DNAI4: variants seen among roughly 807,000 people sequenced by gnomAD.
DNAI4 encodes dynein axonemal intermediate chain 4.
In DNAI4, 85 loss-of-function variants were observed where a neutral mutation model predicts 105.8. The observed-to-expected ratio is 0.80, with a 90% CI of 0.67 to 0.96. The LOEUF is 0.96. Ranked by LOEUF, DNAI4 falls within the 40% of genes least tolerant of loss-of-function variation. The probability of loss-of-function intolerance (pLI) is 0.00; values close to 1 mark genes in which losing one functional copy is unlikely to be tolerated. For synonymous variants in DNAI4, 352 were observed against 331.5 expected, an observed-to-expected ratio of 1.06 and a Z score of -0.67; for missense variants, 1,014 against 1,005.6, an observed-to-expected ratio of 1.01 and a Z score of -0.11.
chr1:66,840,307 C>G (rs1646121888), intron 9 of DNAI4, among the ~76,000 whole-genome samples, 162 bp downstream of exon 9: 1 of 152,148 alleles, frequency 6.6e-6, no homozygotes, highest in Admixed American at 6.5e-5. Flanking sequence ...GCATTTCCCC[C>G]TTTTTAAACT....
At chr1:66,895,281 C>G (rs770810932) in intron 2 of DNAI4, among the ~76,000 whole-genome samples, 2 of 152,110 alleles carry the variant, frequency 1.3e-5, no homozygotes, top group Non-Finnish European at 1.5e-5. Context: ...GGGTTTGAGA[C>G]CAGCCTGAAC....
At chr1:66,837,207 T>C (rs1006898837) in intron 10 of DNAI4, among the ~76,000 whole-genome samples, 5 of 151,816 alleles carry the variant, frequency 3.3e-5, no homozygotes, top group Non-Finnish European at 7.4e-5. Context: ...CTATTAAAAA[T>C]ACGAAAATTA....
chr1:66,840,800 A>G, intron 8 of DNAI4, 129 bp from the exon 9 acceptor site: 1 of 964,390 alleles, frequency 1.0e-6, no homozygotes, highest in Non-Finnish European at 1.5e-6. Flanking sequence ...CATATGGTGC[A>G]AGTGGCAGGG....
intron 4 of DNAI4, among the ~76,000 whole-genome samples, chr1:66,880,433 C>T (rs1466320348): frequency 6.6e-6 from 1 of 152,170 alleles, no homozygotes; most frequent in Admixed American, 6.5e-5. Flanking sequence ...ACGGACAATA[C>T]AGTCTAGGCT....
chr1:66,845,578 T>C (rs1356505820), intron 8 of DNAI4, among the ~76,000 whole-genome samples: 1 of 152,200 alleles, frequency 6.6e-6, no homozygotes, highest in Non-Finnish European at 1.5e-5. Context: ...CCAGCTTTAC[T>C]CTTAATATCC....
chr1:66,869,010 G>A (rs985513808), intron 6 of DNAI4, among the ~76,000 whole-genome samples: 21 of 151,610 alleles, frequency 1.4e-4, no homozygotes, highest in African/African-American at 3.9e-4. Context: ...GGAGGCGGAG[G>A]TTGCAGTGAG....
At position 66,840,594 on chromosome 1, in the gene DNAI4, C is replaced by T; in HGVS notation, c.1369G>A (p.Glu457Lys). ...EEVEEESKKE[E>K]EEEIHAEEST... ...TCTTCTGCATGTATTTCTTCTTCCT[C>T]CTCCTTCTTAGATTCTTCCTCTACC... Residue 457 changes from glutamate (E) to lysine (K), a missense_variant, in exon 9 of 17, where the codon GAG (glutamate) becomes AAG (lysine). Coordinates refer to ENST00000371026, the MANE Select transcript of DNAI4 (RefSeq NM_024763.5). The T allele has an allele frequency of 1.9e-6, 3 of 1,614,172 alleles. No homozygotes were observed. Among genetic ancestry groups the T allele is most frequent in the Non-Finnish European group, 2.5e-6 (3 of 1,180,020 alleles).
At chr1:66,858,630 T>G (rs1197912406) in intron 7 of DNAI4, among the ~76,000 whole-genome samples, 4 of 151,682 alleles carry the variant, frequency 2.6e-5, no homozygotes, top group East Asian at 1.9e-4. Flanking sequence ...TCAAATGGCG[T>G]TTTTTCAAGG....
chr1:66,825,334 C>T (rs1266788210), intron 15 of DNAI4, among the ~76,000 whole-genome samples: 4 of 151,302 alleles, frequency 2.6e-5, no homozygotes, highest in African/African-American at 7.3e-5. Context: ...CGCCCGCCAC[C>T]GCGCCCGGCT....
intron 1 of DNAI4, among the ~76,000 whole-genome samples, chr1:66,908,880 T>C (rs2100846777): frequency 6.6e-6 from 1 of 152,348 alleles, no homozygotes; most frequent in Admixed American, 6.5e-5. Context: ...CTCTCAGCCA[T>C]CTGAATGAGA....
chr1:66,888,190 A>C (rs1647304028), intron 4 of DNAI4, among the ~76,000 whole-genome samples: 1 of 152,134 alleles, frequency 6.6e-6, no homozygotes, highest in African/African-American at 2.4e-5. Context: ...CAGCATACTT[A>C]CTGCTTAGGC....
chr1:66,834,033 T>C lies in DNAI4; in HGVS notation c.1849A>G (p.Arg617Gly), dbSNP rs138545496. 4.3e-6 allele frequency: 7 copies of C among 1,610,870 alleles called. No individual in the cohort carries two copies. In the African/African-American group the frequency reaches 9.4e-5, roughly 22 times the overall value. The change falls in exon 12 of 17, where the codon AGA becomes GGA. Residue 617 changes from arginine (R) to glycine (G), a missense_variant. Transcript: ENST00000371026. ...TTTCGTATAACCCATTTGGAGATTC[T>C]TCCATCTGCTGATATAGAAACTAGT... ...EILVSISADGRISKWVIRKGL... is the reference protein window; with the variant it reads ...EILVSISADGGISKWVIRKGL...
In DNAI4 at chr1:66,890,712, GGGA is replaced by G. The variant is rs886276255; in HGVS notation, c.643+439_643+441del. 74 of 216,022 alleles carry G rather than the reference GGGA, an allele frequency of 3.4e-4. No individual in the cohort carries two copies. Among genetic ancestry groups the G allele is most frequent in the South Asian group, 9.1e-4 (15 of 16,474 alleles). 13.4% of individuals were successfully genotyped at this position (216,022 alleles called of 1,614,324 possible). A position where few individuals can be genotyped will look rare whatever the true frequency, so the allele number is the denominator to read the frequency against. On this transcript the variant is annotated intron_variant, in intron 4 of 16. Transcript: ENST00000371026. This position sits in a 1 kb window ranked among gnomAD's most constrained non-coding sequence, Gnocchi z 4.1. Reference sequence around the variant, plus strand: ...GAGGAAGAAGAAGAAGGAGAGGAGGGGGAGGAGGAGGAGGGAGAGGAAGAGGGG... The same window carrying G: ...GAGGAAGAAGAAGAAGGAGAGGAGGGGGAGGAGGAGGGAGAGGAAGAGGGG...
At chr1:66,841,362 A>G (rs1306501198) in intron 8 of DNAI4, among the ~76,000 whole-genome samples, 1 of 151,910 alleles carries the variant, frequency 6.6e-6, no homozygotes, top group Admixed American at 6.6e-5. Context: ...ACATTGCTGG[A>G]AAAAAAAGCA....
chr1:66,823,281 G>A (rs1645674707), intron 15 of DNAI4, among the ~76,000 whole-genome samples: 1 of 150,868 alleles, frequency 6.6e-6, no homozygotes, highest in South Asian at 2.2e-4. Flanking sequence ...GTGTATATGT[G>A]CCACATTTTC....
At position 66,924,832 on chromosome 1, in the gene DNAI4, G is replaced by A; in HGVS notation, c.-1C>T. ...CTCCGGAATGTTTGCCGGGCGTCAT[G>A]GCGACGGTGGAGCCCTGGCTCAACA... On this transcript the variant is annotated 5_prime_UTR_variant, in exon 1 of 17. Transcript: ENST00000371026. 1 of 1,613,934 alleles carries A rather than the reference G, an allele frequency of 6.2e-7. No homozygotes were observed. Among genetic ancestry groups the A allele is most frequent in the Non-Finnish European group, 8.5e-7 (1 of 1,179,932 alleles).
chr1:66,878,510 T>C (rs1490757302), intron 4 of DNAI4, among the ~76,000 whole-genome samples: 1 of 152,214 alleles, frequency 6.6e-6, no homozygotes, highest in African/African-American at 2.4e-5. Flanking sequence ...GAGTGCTTGC[T>C]GCTTCTGGGG....
rs1467707418 is a variant in DNAI4 at position 66,822,501 on chromosome 1, C to T, written c.2356G>A (p.Val786Met). The T allele has an allele frequency of 6.2e-7, 1 of 1,607,262 alleles. No homozygotes were observed. Reference protein sequence around the residue: ...LHISTLDPLIVNTANPGIKFT... With the variant: ...LHISTLDPLIMNTANPGIKFT... ...TTGATTCCAGGGTTAGCAGTATTCA[C>T]AATCAGAGGGTCCAAACTGTAATGA... The change falls in exon 16 of 17, where the codon GTG becomes ATG. Residue 786 changes from valine to methionine, a missense_variant. Coordinates refer to ENST00000371026, the MANE Select transcript of DNAI4 (RefSeq NM_024763.5).
chr1:66,845,190 CAAAAAA>C (rs59265844), intron 8 of DNAI4, among the ~76,000 whole-genome samples: 1 of 106,318 alleles, frequency 9.4e-6, no homozygotes, highest in Non-Finnish European at 1.8e-5. Flanking sequence ...AACTCCATCT[CAAAAAA>C]AAAAAAAAAA....
Sources: gnomAD v4.1 joint callset for allele counts (sites outside exome capture counted in the v4.1 genomes callset) on GRCh38, gnomAD v4.1.1 for gene constraint, Gnocchi (gnomAD v3.1) non-coding constraint, MANE v1.5 for transcripts, NCBI Gene and HGNC (gene_info 2026-07-23, HGNC 2026-07-21) for gene names.